NKAIN3: variants seen among roughly 807,000 people sequenced by gnomAD.
The protein encoded by NKAIN3 is sodium/potassium transporting ATPase interacting 3.
NKAIN3 carries 25 observed loss-of-function variants against 30.2 expected under a neutral mutation model. The observed-to-expected ratio is 0.83, with a 90% CI of 0.60 to 1.16. NKAIN3 has a LOEUF of 1.16. Ranked by LOEUF, NKAIN3 falls within the 50% of genes most tolerant of loss-of-function variation. The probability of loss-of-function intolerance (pLI) is 0.00; values close to 1 mark genes in which losing one functional copy is unlikely to be tolerated. For missense variants in NKAIN3, 225 were observed against 254.1 expected (o/e 0.89, Z 0.78); for synonymous variants, 91 against 89.6 (o/e 1.02, Z -0.09).
intron 1 of NKAIN3, among the ~76,000 whole-genome samples, chr8:62,556,225 G>A (rs1809382136): frequency 6.6e-6 from 1 of 151,830 alleles, no homozygotes; most frequent in African/African-American, 2.4e-5. Flanking sequence ...GAATTATGGT[G>A]TTCTAAGGTG....
chr8:62,624,875 C>T (rs1352279232), intron 3 of NKAIN3, among the ~76,000 whole-genome samples: 1 of 151,176 alleles, frequency 6.6e-6, no homozygotes, highest in Non-Finnish European at 1.5e-5. Context: ...ATTTTCTCAT[C>T]AGTATCCAGT....
chr8:62,597,349 T>C (rs1810865140), intron 3 of NKAIN3, among the ~76,000 whole-genome samples: 1 of 152,106 alleles, frequency 6.6e-6, no homozygotes, highest in African/African-American at 2.4e-5. Context: ...AATTAGTGTG[T>C]ATAATAGCCT....
chr8:62,610,341 G>A (rs1360343002), intron 3 of NKAIN3, among the ~76,000 whole-genome samples: 55 of 130,876 alleles, frequency 4.2e-4, no homozygotes, highest in Admixed American at 1.1e-3. Context: ...GCAAAACTCC[G>A]TCTCAGAAAA....
intron 1 of NKAIN3, among the ~76,000 whole-genome samples, chr8:62,522,591 G>T (rs919368500): frequency 1.3e-5 from 2 of 152,046 alleles, no homozygotes; most frequent in Non-Finnish European, 2.9e-5. Context: ...CTTCCAGTGG[G>T]ACAGGATGTG....
intron 2 of NKAIN3, among the ~76,000 whole-genome samples, chr8:62,585,733 T>C (rs1227140993): frequency 6.6e-6 from 1 of 152,126 alleles, no homozygotes; most frequent in Non-Finnish European, 1.5e-5. Context: ...GAACCCCTGC[T>C]TTAGGGGAAT....
At chr8:62,947,770 C>T (rs1345429325) in intron 5 of NKAIN3, among the ~76,000 whole-genome samples, 2 of 152,200 alleles carry the variant, frequency 1.3e-5, no homozygotes, top group Admixed American at 1.3e-4. Flanking sequence ...TGGAGAGCAA[C>T]AAGGTCTCCA....
intron 4 of NKAIN3, among the ~76,000 whole-genome samples, chr8:62,850,026 C>A (rs146005601): frequency 0.023 from 3,482 of 152,178 alleles, 51 homozygotes; most frequent in Non-Finnish European, 0.036. Context: ...TGAGGAATCA[C>A]CACACTGACT....
chr8:62,907,531 G>A (rs1021048882), intron 4 of NKAIN3, among the ~76,000 whole-genome samples: 1 of 152,170 alleles, frequency 6.6e-6, no homozygotes, highest in Non-Finnish European at 1.5e-5. Flanking sequence ...CCCATAACAA[G>A]CTGGTAGGCC....
intron 1 of NKAIN3, among the ~76,000 whole-genome samples, chr8:62,568,342 A>G (rs946919751): frequency 3.3e-5 from 5 of 152,212 alleles, no homozygotes; most frequent in African/African-American, 1.2e-4. Flanking sequence ...GCATCAGATT[A>G]GATTAATAAA....
chr8:62,979,669 T>A lies in NKAIN3; in HGVS notation c.*14262T>A, dbSNP rs1824030037. The A allele has an allele frequency of 6.6e-6, 1 of 152,252 alleles. No homozygotes were observed. Among genetic ancestry groups the A allele is most frequent in the Non-Finnish European group, 1.5e-5 (1 of 68,060 alleles). The allele number at this position is 152,252 out of a possible 1,614,324, so 9.4% of individuals were successfully genotyped here. A position where few individuals can be genotyped will look rare whatever the true frequency, so the allele number is the denominator to read the frequency against. ...CGTTTTCAGATGAGGAGATTGAGGC[T>A]GGTAGTTACAGTGGTTTTGCTTCAT... On this transcript the variant is annotated 3_prime_UTR_variant, in exon 7 of 7. Transcript: ENST00000623646.
rs575529309 is a variant in NKAIN3 at position 62,970,344 on chromosome 8, T to C, written c.*4937T>C. Among the ~76,000 whole-genome samples, 135 of 152,262 alleles carry C rather than the reference T, an allele frequency of 8.9e-4. 1 individual carries two copies. The highest frequency in any genetic ancestry group is 3.2e-3 in the African/African-American group (132 of 41,568). ...AGTTATGGGTAGCATCTCTTTTTCATCTGAAAAAGCTTAGTTTCTTATTGA... is the reference window on the plus strand; with the variant it reads ...AGTTATGGGTAGCATCTCTTTTTCACCTGAAAAAGCTTAGTTTCTTATTGA... On this transcript the variant is annotated 3_prime_UTR_variant, in exon 7 of 7. Coordinates refer to ENST00000623646, the MANE Select transcript of NKAIN3 (RefSeq NM_001304533.3).
intron 1 of NKAIN3, among the ~76,000 whole-genome samples, chr8:62,317,659 T>C (rs187718432): frequency 6.6e-6 from 1 of 152,228 alleles, no homozygotes; most frequent in South Asian, 2.1e-4. Context: ...ACCAGCACCA[T>C]GCTGTTTTGG....
intron 5 of NKAIN3, among the ~76,000 whole-genome samples, chr8:62,922,335 G>T (rs1158875872): frequency 6.6e-6 from 1 of 152,092 alleles, no homozygotes; most frequent in African/African-American, 2.4e-5. Context: ...CATAGCATTG[G>T]TGTGAGCTGA....
chr8:62,395,187 G>A (rs1306109329), intron 1 of NKAIN3, among the ~76,000 whole-genome samples: 6 of 150,510 alleles, frequency 4.0e-5, no homozygotes, highest in East Asian at 2.0e-4. Context: ...ATGGTGCAGC[G>A]GACGGGCAGC....
At chr8:62,933,937 T>G (rs1388388815) in intron 5 of NKAIN3, among the ~76,000 whole-genome samples, 1 of 152,102 alleles carries the variant, frequency 6.6e-6, no homozygotes, top group Non-Finnish European at 1.5e-5. Flanking sequence ...GGGACTTCAG[T>G]AAGGCCAAGG....
chr8:62,821,473 A>G (rs1818846211), intron 4 of NKAIN3, among the ~76,000 whole-genome samples: 1 of 152,158 alleles, frequency 6.6e-6, no homozygotes. Flanking sequence ...GCAGTTGAAT[A>G]CTGGCTGGTG....
At chr8:62,349,268 T>G (rs984261200) in intron 1 of NKAIN3, among the ~76,000 whole-genome samples, 12 of 152,160 alleles carry the variant, frequency 7.9e-5, no homozygotes, top group African/African-American at 2.9e-4. Context: ...CTTTAATATT[T>G]AATCCCTCTA....
chr8:62,289,457 A>G (rs879590330), intron 1 of NKAIN3, among the ~76,000 whole-genome samples: 1 of 152,202 alleles, frequency 6.6e-6, no homozygotes, highest in Non-Finnish European at 1.5e-5. Flanking sequence ...AGCTTTCTAC[A>G]TATGGCTAGC....
intron 1 of NKAIN3, among the ~76,000 whole-genome samples, chr8:62,408,809 C>T (rs1366280798): frequency 6.6e-6 from 1 of 152,074 alleles, no homozygotes; most frequent in Non-Finnish European, 1.5e-5. Flanking sequence ...GGGAACAATG[C>T]AGTTTTCTTT....
Sources: allele counts gnomAD v4.1 joint callset (sites outside exome capture counted in the v4.1 genomes callset), GRCh38; gene constraint gnomAD v4.1.1; transcripts MANE v1.5; gene names NCBI Gene and HGNC (gene_info 2026-07-23, HGNC 2026-07-21).